RAP1GAP: variants seen among roughly 807,000 people sequenced by gnomAD.
RAP1GAP encodes the protein RAP1 GTPase activating protein.
Under a neutral mutation model 87.2 loss-of-function variants are expected in RAP1GAP, and 35 were observed. The ratio of observed to expected loss-of-function variants is 0.40; its 90% CI spans 0.31 to 0.53. The LOEUF (loss-of-function observed/expected upper bound fraction) is 0.53, where lower values mean the gene tolerates loss of function less well. Ranked by LOEUF, RAP1GAP falls within the 20% of genes least tolerant of loss-of-function variation. The probability of loss-of-function intolerance (pLI) is 0.48; values close to 1 mark genes in which losing one functional copy is unlikely to be tolerated. For missense variants in RAP1GAP, 734 were observed against 898.9 expected, an observed-to-expected ratio of 0.82 and a Z score of 2.35; for synonymous variants, 375 against 363.9, an observed-to-expected ratio of 1.03 and a Z score of -0.35.
chr1:21,642,927 C>T (rs1488409344), intron 2 of RAP1GAP, among the ~76,000 whole-genome samples: 2 of 150,798 alleles, frequency 1.3e-5, no homozygotes, highest in Non-Finnish European at 3.0e-5. Flanking sequence ...GCCACTTGGC[C>T]CACTTCAACT....
chr1:21,648,255 T>C (rs2096258292), intron 2 of RAP1GAP, among the ~76,000 whole-genome samples: 1 of 152,068 alleles, frequency 6.6e-6, no homozygotes, highest in Non-Finnish European at 1.5e-5. Flanking sequence ...TTACAATCAG[T>C]CCTGGGCCCT....
intron 1 of RAP1GAP, among the ~76,000 whole-genome samples, chr1:21,667,840 T>C (rs549358314): frequency 7.2e-5 from 11 of 152,312 alleles, no homozygotes; most frequent in Admixed American, 6.5e-4. Context: ...AGGGGGAAAT[T>C]GCTCGTGCCA....
chr1:21,599,410 G>A (rs2066341188), intron 21 of RAP1GAP, 84 bp downstream of exon 21: 11 of 1,517,776 alleles, frequency 7.2e-6, no homozygotes, highest in East Asian at 4.5e-5. Context: ...GCCCAGGCTC[G>A]TGGTTCTACT....
chr1:21,651,593 AAC>A (rs760377854), intron 1 of RAP1GAP: 754 of 693,042 alleles, frequency 1.1e-3, no homozygotes, highest in East Asian at 1.8e-3. Flanking sequence ...CAGAAACAGA[AAC>A]ACACACACAC....
At chr1:21,600,386 G>C (rs2067163079) in intron 20 of RAP1GAP, among the ~76,000 whole-genome samples, 1 of 152,090 alleles carries the variant, frequency 6.6e-6, no homozygotes, top group Non-Finnish European at 1.5e-5. Context: ...TTTAGCCTGG[G>C]CTGAGTCCTC....
chr1:21,610,455 G>A (rs1447367743), intron 13 of RAP1GAP, among the ~76,000 whole-genome samples, 180 bp from the exon 14 acceptor site: 1 of 152,138 alleles, frequency 6.6e-6, no homozygotes. Flanking sequence ...AAAATGGCCT[G>A]TTTGGAACAA....
At chr1:21,619,476 G>A (rs1447044419) in intron 4 of RAP1GAP, among the ~76,000 whole-genome samples, 3 of 152,054 alleles carry the variant, frequency 2.0e-5, no homozygotes, top group Admixed American at 6.6e-5. Flanking sequence ...GAGAGAGACA[G>A]AAAGAGAAAC....
intron 1 of RAP1GAP, among the ~76,000 whole-genome samples, chr1:21,653,998 G>C (rs2096756328): frequency 6.6e-6 from 1 of 151,650 alleles, no homozygotes; most frequent in Admixed American, 6.6e-5. Context: ...GGCCATGGGG[G>C]CTGAAGGGTT....
chr1:21,611,629 G>T, intron 12 of RAP1GAP, 48 bp from the exon 13 acceptor site: 1 of 1,613,772 alleles, frequency 6.2e-7, no homozygotes. Context: ...GCCCTGGCCA[G>T]GCCTCCATGG....
chr1:21,605,908 C>T (rs745597451), intron 18 of RAP1GAP, among the ~76,000 whole-genome samples, 158 bp downstream of exon 18: 1 of 152,226 alleles, frequency 6.6e-6, no homozygotes, highest in African/African-American at 2.4e-5. Flanking sequence ...CTTCACCCCC[C>T]TCCCATGGAA....
chr1:21,611,592 G>GC lies in RAP1GAP; in HGVS notation c.714-12dup. ...AGGCCTCCTCGGAACCTGCCCCGGG[G>GC]CCCCCCAGGCCACGCCTCAGTCTCC... On this transcript the variant is annotated splice_polypyrimidine_tract_variant and intron_variant, in intron 12 of 24. Coordinates refer to ENST00000374765, the MANE Select transcript of RAP1GAP (RefSeq NM_002885.4). 6.2e-7 allele frequency: 1 copy of GC among 1,613,964 alleles called. No individual in the cohort carries two copies. Among genetic ancestry groups the GC allele is most frequent in the Non-Finnish European group, 8.5e-7 (1 of 1,179,964 alleles).
At chr1:21,599,388 C>A (rs751350265) in intron 21 of RAP1GAP, 106 bp downstream of exon 21, 1 of 1,480,526 alleles carries the variant, frequency 6.8e-7, no homozygotes, top group Non-Finnish European at 9.0e-7. Flanking sequence ...CCCCTGATCA[C>A]ATCTCAGCCA....
chr1:21,660,353 T>TATATATATATATATAGA, intron 1 of RAP1GAP, among the ~76,000 whole-genome samples: 4 of 26,836 alleles, frequency 1.5e-4, no homozygotes, highest in Non-Finnish European at 2.5e-4. Context: ...ATATATTTAT[T>TATATATATATATATAGA]GAGACAGTCT....
intron 2 of RAP1GAP, among the ~76,000 whole-genome samples, chr1:21,644,679 C>T (rs990424572): frequency 1.3e-5 from 2 of 152,080 alleles, no homozygotes; most frequent in African/African-American, 4.8e-5. Flanking sequence ...GCAGGAGGAT[C>T]ACAAGGTCAG....
chr1:21,666,691 A>G (rs574578074), intron 1 of RAP1GAP, among the ~76,000 whole-genome samples: 1 of 152,252 alleles, frequency 6.6e-6, no homozygotes, highest in African/African-American at 2.4e-5. Flanking sequence ...TCCCACACGC[A>G]GGAAGCTGAT....
chr1:21,625,754 T>A (rs1405336133), intron 3 of RAP1GAP, among the ~76,000 whole-genome samples: 1 of 152,190 alleles, frequency 6.6e-6, no homozygotes, highest in Non-Finnish European at 1.5e-5. Context: ...GGACTGTGGC[T>A]CCTTGAGAGC....
Position 21,622,728 on chromosome 1 carries a change from C to T in RAP1GAP, c.-18-2678G>A, listed in dbSNP as rs1384904635. Among the ~76,000 whole-genome samples the T allele has an allele frequency of 5.3e-5, 8 of 151,674 alleles. No homozygotes were observed. Among genetic ancestry groups the T allele is most frequent in the Admixed American group, 5.2e-4 (8 of 15,260 alleles). On this transcript the variant is annotated intron_variant, in intron 3 of 24. Coordinates refer to ENST00000374765, the MANE Select transcript of RAP1GAP (RefSeq NM_002885.4). The surrounding 1 kb of genome is among the most constrained non-coding windows in gnomAD (Gnocchi z 5.7). ...CGAGCGCTAGAAGCTTTGGGTGCGT[C>T]GGGCTCCCCGAGGGGGCCCCCCACT...
intron 2 of RAP1GAP, among the ~76,000 whole-genome samples, chr1:21,635,328 C>T (rs2094515254): frequency 6.6e-6 from 1 of 152,202 alleles, no homozygotes; most frequent in Admixed American, 6.5e-5. Context: ...CTCTGAGCTC[C>T]AGGCATTCCT....
intron 1 of RAP1GAP, among the ~76,000 whole-genome samples, chr1:21,667,161 G>A (rs927927582): frequency 6.6e-6 from 1 of 152,226 alleles, no homozygotes; most frequent in African/African-American, 2.4e-5. Context: ...GTAGACAGAT[G>A]GCAGCATGGA....
Sources: allele counts gnomAD v4.1 joint callset (sites outside exome capture counted in the v4.1 genomes callset), GRCh38; gene constraint gnomAD v4.1.1; non-coding constraint Gnocchi (gnomAD v3.1); transcripts MANE v1.5; gene names NCBI Gene and HGNC (gene_info 2026-07-23, HGNC 2026-07-21).